Variants in CRACR2A observed in about 807,000 individuals in gnomAD.
CRACR2A encodes the protein EF-hand calcium-binding domain-containing protein 4B.
CRACR2A carries 79 observed loss-of-function variants against 90.5 expected under a neutral mutation model. That is an observed-to-expected ratio of 0.87 (90% CI 0.73 to 1.05). The LOEUF is 1.05. Ranked by LOEUF, CRACR2A falls within the 50% of genes least tolerant of loss-of-function variation. CRACR2A has a pLI of 0.00. For synonymous variants in CRACR2A, 338 were observed against 356.7 expected, an observed-to-expected ratio of 0.95 and a Z score of 0.59; for missense variants, 823 against 897.2, an observed-to-expected ratio of 0.92 and a Z score of 1.06.
At chr12:3,703,486 G>C (rs929124938) in intron 3 of CRACR2A, among the ~76,000 whole-genome samples, 5 of 152,140 alleles carry the variant, frequency 3.3e-5, no homozygotes, top group Non-Finnish European at 1.5e-5. Context: ...CTTCAAGAAG[G>C]AAACATCTTT....
chr12:3,672,627 A>G (rs1945266076), intron 7 of CRACR2A: 1 of 414,844 alleles, frequency 2.4e-6, no homozygotes, highest in African/African-American at 2.2e-5. Context: ...ATGGCTGTAA[A>G]TGTTTGTTAA....
intron 8 of CRACR2A, among the ~76,000 whole-genome samples, chr12:3,659,193 C>G (rs1167148820): frequency 5.9e-5 from 9 of 152,202 alleles, no homozygotes; most frequent in Non-Finnish European, 1.2e-4. Flanking sequence ...ACAGGGAAAG[C>G]ATGAGCCTCC....
At chr12:3,701,098 C>T (rs1001252862) in intron 3 of CRACR2A, among the ~76,000 whole-genome samples, 1 of 151,128 alleles carries the variant, frequency 6.6e-6, no homozygotes, top group Non-Finnish European at 1.5e-5. Context: ...TAACACACTT[C>T]TAAACAACTC....
At chr12:3,657,220 T>G (rs1944927819) in intron 8 of CRACR2A, among the ~76,000 whole-genome samples, 1 of 152,216 alleles carries the variant, frequency 6.6e-6, no homozygotes, top group Non-Finnish European at 1.5e-5. Flanking sequence ...GTTCACAGAA[T>G]AGAAACAAAA....
At chr12:3,685,359 A>G (rs1226439619) in intron 4 of CRACR2A, among the ~76,000 whole-genome samples, 1 of 152,252 alleles carries the variant, frequency 6.6e-6, no homozygotes, top group African/African-American at 2.4e-5. Context: ...GAATTATCCT[A>G]TAATCCAGCA....
At chr12:3,697,139 T>C (rs1274100909) in intron 3 of CRACR2A, 104 bp from the exon 4 acceptor site, 1 of 1,357,922 alleles carries the variant, frequency 7.4e-7, no homozygotes, top group African/African-American at 1.5e-5. Flanking sequence ...TACACCAGTG[T>C]GTCCAGGAAT....
intron 2 of CRACR2A, among the ~76,000 whole-genome samples, chr12:3,716,706 T>C (rs531348372): frequency 3.3e-5 from 5 of 152,338 alleles, no homozygotes; most frequent in African/African-American, 1.2e-4. Context: ...GAACTTCTTG[T>C]AAAGCATCAA....
chr12:3,648,482 C>T, intron 11 of CRACR2A, 60 bp downstream of exon 11: 1 of 1,613,162 alleles, frequency 6.2e-7, no homozygotes, highest in Non-Finnish European at 8.5e-7. Flanking sequence ...TCAGACTGGT[C>T]CTTCCGACCC....
intron 1 of CRACR2A, among the ~76,000 whole-genome samples, chr12:3,737,580 A>C (rs1344285257): frequency 6.6e-6 from 1 of 152,194 alleles, no homozygotes; most frequent in African/African-American, 2.4e-5. Context: ...CAGCCCAGGC[A>C]AGAGATGGCA....
intron 17 of CRACR2A, among the ~76,000 whole-genome samples, chr12:3,624,158 C>T (rs1023531168): frequency 3.9e-5 from 6 of 152,210 alleles, no homozygotes; most frequent in Admixed American, 3.9e-4. Flanking sequence ...CCCATGCAGG[C>T]ATGTACAGCA....
At position 3,648,380 on chromosome 12, in the gene CRACR2A, C is replaced by T. The variant is rs940122458; in HGVS notation, c.1118+162G>A. 7.9e-6 allele frequency: 12 copies of T among 1,523,808 alleles called. No individual in the cohort carries two copies. The African/African-American group carries it at 1.1e-4, about 14-fold the overall frequency. The allele number at this position is 1,523,808 out of a possible 1,614,324, so 94.4% of individuals were successfully genotyped here. On this transcript the variant is annotated intron_variant, in intron 11 of 19. Transcript: ENST00000440314. ...CGGACCAAACATAATAGAGTGGCTA[C>T]TTGGTGGTCCAAACACTGCACTGGG...
chr12:3,642,763 A>G (rs745604954), intron 12 of CRACR2A, among the ~76,000 whole-genome samples: 17 of 152,328 alleles, frequency 1.1e-4, no homozygotes, highest in African/African-American at 1.4e-4. Flanking sequence ...TGGGTGGAGC[A>G]GGGGTTTACA....
In CRACR2A at chr12:3,633,518, T is replaced by A; in HGVS notation, c.1735+86A>T. ...ATCCCCATGGCCCTTCCCATGGGCT[T>A]CTAACGCTCCCTGCCCCGGGCCCCC... On this transcript the variant is annotated intron_variant, in intron 15 of 19. Coordinates refer to ENST00000440314, the MANE Select transcript of CRACR2A (RefSeq NM_001144958.2). This position sits in a 1 kb window ranked among gnomAD's most constrained non-coding sequence, Gnocchi z 4.5. 6.6e-7 allele frequency: 1 copy of A among 1,522,180 alleles called. No homozygotes were observed. The highest frequency in any genetic ancestry group is 8.9e-7 in the Non-Finnish European group (1 of 1,127,330). 94.3% of individuals were successfully genotyped at this position (1,522,180 alleles called of 1,614,324 possible).
chr12:3,695,595 T>C (rs1945725981), intron 4 of CRACR2A, among the ~76,000 whole-genome samples: 1 of 152,236 alleles, frequency 6.6e-6, no homozygotes, highest in East Asian at 1.9e-4. Flanking sequence ...GGAGCTCACA[T>C]GCATGAGCAG....
intron 10 of CRACR2A, among the ~76,000 whole-genome samples, chr12:3,650,592 C>T (rs1284757916): frequency 6.6e-6 from 1 of 152,190 alleles, no homozygotes; most frequent in Non-Finnish European, 1.5e-5. Flanking sequence ...CGACTCTGAG[C>T]CCTGGGAGCT....
chr12:3,679,246 G>A, intron 5 of CRACR2A, 148 bp from the exon 6 acceptor site: 4 of 729,408 alleles, frequency 5.5e-6, no homozygotes, highest in East Asian at 2.9e-5. Flanking sequence ...ATGGACATGG[G>A]TCCGTGGACA....
At chr12:3,742,281 T>C (rs1458913715) in intron 1 of CRACR2A, among the ~76,000 whole-genome samples, 1 of 152,222 alleles carries the variant, frequency 6.6e-6, no homozygotes, top group African/African-American at 2.4e-5. Flanking sequence ...GATAACTGTA[T>C]AAGGAGAGGG....
At chr12:3,721,952 C>T (rs1259530975) in intron 2 of CRACR2A, among the ~76,000 whole-genome samples, 4 of 152,188 alleles carry the variant, frequency 2.6e-5, no homozygotes, top group Non-Finnish European at 4.4e-5. Context: ...AGAGATAGGA[C>T]AGGAGGGCTA....
intron 1 of CRACR2A, among the ~76,000 whole-genome samples, chr12:3,752,039 C>T (rs915768920): frequency 3.3e-5 from 5 of 152,154 alleles, no homozygotes; most frequent in African/African-American, 4.8e-5. Flanking sequence ...AAAGACTCTT[C>T]GGTACATGCT....
Sources: allele counts gnomAD v4.1 joint callset (sites outside exome capture counted in the v4.1 genomes callset), GRCh38; gene constraint gnomAD v4.1.1; non-coding constraint Gnocchi (gnomAD v3.1); transcripts MANE v1.5; gene names NCBI Gene and HGNC (gene_info 2026-07-23, HGNC 2026-07-21).